The following PI4KA variants were observed in gnomAD, a reference collection of about 807,000 sequenced individuals.
PI4KA encodes the protein PI4-kinase alpha.
In PI4KA, 122 loss-of-function variants were observed where a neutral mutation model predicts 271.4. That is an observed-to-expected ratio of 0.45 (90% confidence interval 0.39 to 0.52). PI4KA has a LOEUF of 0.52. Among genes scored for constraint, PI4KA ranks in the 20% least tolerant of loss-of-function variants. The probability of loss-of-function intolerance (pLI) is 0.00; values close to 1 mark genes in which losing one functional copy is unlikely to be tolerated. For synonymous variants in PI4KA, 1,041 were observed against 1,078.8 expected, an observed-to-expected ratio of 0.96 and a Z score of 0.69; for missense variants, 1,969 against 2,769.1, an observed-to-expected ratio of 0.71 and a Z score of 6.48.
At chr22:20,787,373 C>T (rs1934333277) in intron 19 of PI4KA, 1 of 408,154 alleles carries the variant, frequency 2.5e-6, no homozygotes, top group Non-Finnish European at 4.6e-6. Flanking sequence ...GCACCTCCCG[C>T]TCCGGTGACC....
At position 20,779,711 on chromosome 22, in the gene PI4KA, C is replaced by T. The variant is rs538501709; in HGVS notation, c.2328+13482G>A. The stretch of plus-strand genomic sequence containing the variant: ...GTCTTAACATCCTCAACGCCAAGTT[C>T]GCTTTCAACCTCTACCGAGTGCTGA... On this transcript the variant is annotated intron_variant, in intron 19 of 54. Coordinates refer to ENST00000255882, the MANE Select transcript of PI4KA (RefSeq NM_058004.4). 2.5e-5 allele frequency: 40 copies of T among 1,614,236 alleles called. No individual in the cohort carries two copies. In the South Asian group the frequency reaches 2.6e-4, roughly 11 times the overall value.
At chr22:20,833,309 T>G (rs932845837) in intron 3 of PI4KA, among the ~76,000 whole-genome samples, 1 of 152,062 alleles carries the variant, frequency 6.6e-6, no homozygotes, top group Non-Finnish European at 1.5e-5. Flanking sequence ...CTCTGAAGGG[T>G]AGTGCCAGCC....
chr22:20,710,952 A>G, intron 51 of PI4KA, 94 bp from the exon 52 acceptor site: 1 of 1,403,818 alleles, frequency 7.1e-7, no homozygotes, highest in East Asian at 2.3e-5. Flanking sequence ...GGACTGCAAC[A>G]GGAGCACCCC....
At chr22:20,826,483 G>A (rs1262978307) in intron 3 of PI4KA, among the ~76,000 whole-genome samples, 1 of 152,078 alleles carries the variant, frequency 6.6e-6, no homozygotes, top group Non-Finnish European at 1.5e-5. Flanking sequence ...CCTTATCTTT[G>A]TTATTGTGAA....
chr22:20,708,241 C>G (rs1466648111), intron 54 of PI4KA, 143 bp from the exon 55 acceptor site: 14 of 725,328 alleles, frequency 1.9e-5, no homozygotes, highest in Non-Finnish European at 3.3e-5. Context: ...CGTGCCCTCC[C>G]CCACCCAGTG....
intron 19 of PI4KA, among the ~76,000 whole-genome samples, chr22:20,786,685 C>T (rs906160307): frequency 5.9e-5 from 9 of 152,102 alleles, no homozygotes; most frequent in South Asian, 2.1e-4. Flanking sequence ...TGAACCTAGC[C>T]GGCCTCTAAG....
rs199867687 is a variant in PI4KA, at chr22:20,779,505, G to A, written c.2328+13688C>T. Reference sequence around the variant, plus strand: ...TGCCGACTTCCACAAGGAAAACACCGTCACCAACGACTGGATTCCAGAGGG... The same window carrying A: ...TGCCGACTTCCACAAGGAAAACACCATCACCAACGACTGGATTCCAGAGGG... On this transcript the variant is annotated intron_variant, in intron 19 of 54. Transcript: ENST00000255882. The A allele has an allele frequency of 4.0e-5, 64 of 1,614,074 alleles. No individual in the cohort carries two copies. Among genetic ancestry groups the A allele is most frequent in the East Asian group, 3.3e-4 (15 of 44,880 alleles).
Position 20,838,605 on chromosome 22 carries a change from G to A in PI4KA, c.273+10C>T, listed in dbSNP as rs1385336260. On this transcript the variant is annotated intron_variant, in intron 2 of 54. Transcript: ENST00000255882. ...ACAATGAAGAAACTTTTAATTTCAT[G>A]AAGACTTACCTGAAGATCAGATTCA... 2 of 1,507,660 alleles carry A rather than the reference G, an allele frequency of 1.3e-6. No homozygotes were observed. The highest frequency in any genetic ancestry group is 4.5e-5 in the East Asian group (2 of 44,378). The allele number at this position is 1,507,660 out of a possible 1,614,324, so 93.4% of individuals were successfully genotyped here. A position where few individuals can be genotyped will look rare whatever the true frequency, so the allele number is the denominator to read the frequency against.
chr22:20,808,740 A>AGTGGTG (rs1935826376), intron 9 of PI4KA, among the ~76,000 whole-genome samples: 1 of 151,280 alleles, frequency 6.6e-6, no homozygotes, highest in Admixed American at 6.6e-5. Context: ...ATGCAGTGGT[A>AGTGGTG]TGATCACAGC....
chr22:20,714,789 T>A, intron 45 of PI4KA, 89 bp from the exon 46 acceptor site: 2 of 1,466,756 alleles, frequency 1.4e-6, no homozygotes, highest in South Asian at 1.3e-5. Flanking sequence ...TACATGCGTG[T>A]CCACCCTGCA....
At chr22:20,817,047 C>T (rs960603671) in intron 7 of PI4KA, among the ~76,000 whole-genome samples, 8 of 152,182 alleles carry the variant, frequency 5.3e-5, no homozygotes, top group African/African-American at 9.7e-5. Context: ...GGAGTTGTCT[C>T]TAAGAGGTGC....
At chr22:20,751,478 G>A (rs1284402743) in intron 26 of PI4KA, 102 bp from the exon 27 acceptor site, 2 of 1,098,366 alleles carry the variant, frequency 1.8e-6, no homozygotes, top group Middle Eastern at 2.0e-4. Context: ...TCTGTGACAG[G>A]CCTCCATACT....
At chr22:20,838,256 C>T (rs1354080226) in intron 2 of PI4KA, among the ~76,000 whole-genome samples, 5 of 152,090 alleles carry the variant, frequency 3.3e-5, no homozygotes. Flanking sequence ...TACAATACCC[C>T]TGAGTCTGAC....
rs1932457645 is a variant in PI4KA, at chr22:20,765,693, G to C, written c.2329C>G (p.Leu777Val). ...LGVLIPVIAV[L>V]TRRLPPIKEA... ...TTGATGGGTGGCAGTCGTCGGGTGA[G>C]CTGATGTGCCAAGAAGAGAGGGAGA... The change falls in exon 20 of 55, where the codon CTC (leucine) becomes GTC (valine). Residue 777 changes from leucine (L) to valine (V), a missense_variant and splice_region_variant. Coordinates refer to ENST00000255882, the MANE Select transcript of PI4KA (RefSeq NM_058004.4). The C allele has an allele frequency of 6.2e-7, 1 of 1,603,646 alleles. No homozygotes were observed. Among genetic ancestry groups the C allele is most frequent in the Non-Finnish European group, 8.5e-7 (1 of 1,170,794 alleles).
In PI4KA at chr22:20,792,609, C is replaced by T. The variant is rs139539777; in HGVS notation, c.2328+584G>A. Among the ~76,000 whole-genome samples the T allele has an allele frequency of 3.7e-3, 558 of 152,156 alleles. 8 individuals are homozygous for T. The highest frequency in any genetic ancestry group is 0.013 in the African/African-American group (524 of 41,492). The stretch of plus-strand genomic sequence containing the variant: ...GCTTAGGACTTGCAGCTAGGAGTGA[C>T]GAAGAAAGGGAAAAACAACTTCTAC... On this transcript the variant is annotated intron_variant, in intron 19 of 54. Coordinates refer to ENST00000255882, the MANE Select transcript of PI4KA (RefSeq NM_058004.4).
intron 2 of PI4KA, among the ~76,000 whole-genome samples, chr22:20,835,721 A>T (rs1028640195): frequency 1.4e-5 from 2 of 146,714 alleles, no homozygotes; most frequent in Non-Finnish European, 3.0e-5. Context: ...AAGAGAGTGA[A>T]ATCCTGTCTC....
chr22:20,760,949 C>G (rs1931898038), intron 23 of PI4KA, among the ~76,000 whole-genome samples: 1 of 152,216 alleles, frequency 6.6e-6, no homozygotes, highest in African/African-American at 2.4e-5. Context: ...CAGGCACAAA[C>G]TACTGTTTCC....
At chr22:20,772,002 T>C (rs555535492) in intron 19 of PI4KA, among the ~76,000 whole-genome samples, 1 of 152,210 alleles carries the variant, frequency 6.6e-6, no homozygotes, top group Non-Finnish European at 1.5e-5. Context: ...TGAATAAATA[T>C]GTAATACCAT....
At chr22:20,843,025 G>C (rs1488896616) in intron 1 of PI4KA, among the ~76,000 whole-genome samples, 1 of 150,706 alleles carries the variant, frequency 6.6e-6, no homozygotes, top group African/African-American at 2.5e-5. Flanking sequence ...GTGAACCCGG[G>C]AGGCAGAGCT....
Sources: gnomAD v4.1 joint callset for allele counts (sites outside exome capture counted in the v4.1 genomes callset) on GRCh38, gnomAD v4.1.1 for gene constraint, MANE v1.5 for transcripts, NCBI Gene and HGNC (gene_info 2026-07-23, HGNC 2026-07-21) for gene names.